The following TECRL variants were observed in gnomAD, a reference collection of about 807,000 sequenced individuals.
TECRL encodes trans-2,3-enoyl-CoA reductase like, also known as trans-2,3-enoyl-CoA reductase-like.
TECRL carries 63 observed loss-of-function variants against 52.8 expected under a neutral mutation model. That is an observed-to-expected ratio of 1.19 (90% CI 0.97 to 1.47). The LOEUF is 1.47. Among genes scored for constraint, TECRL ranks in the 40% most tolerant of loss-of-function variants. The pLI is 0.00. For synonymous variants in TECRL, 164 were observed against 141.9 expected (o/e 1.16, Z -1.10); for missense variants, 482 against 429.6 (o/e 1.12, Z -1.08).
intron 4 of TECRL, among the ~76,000 whole-genome samples, chr4:64,316,505 C>A (rs1403094968): frequency 6.6e-6 from 1 of 151,808 alleles, no homozygotes; most frequent in African/African-American, 2.4e-5. Context: ...GGGGAAAAGA[C>A]GATTTATTAA....
chr4:64,386,521 C>T (rs183840954), intron 1 of TECRL, among the ~76,000 whole-genome samples: 6 of 151,994 alleles, frequency 3.9e-5, no homozygotes, highest in Admixed American at 1.3e-4. Context: ...TATATGTCAG[C>T]GTAGAGGACA....
intron 2 of TECRL, among the ~76,000 whole-genome samples, chr4:64,363,104 C>T (rs943400951): frequency 6.6e-6 from 1 of 151,744 alleles, no homozygotes; most frequent in Non-Finnish European, 1.5e-5. Context: ...GAGGACATTA[C>T]GTAATGATAA....
chr4:64,357,255 A>G (rs568455288), intron 2 of TECRL, among the ~76,000 whole-genome samples: 2 of 152,098 alleles, frequency 1.3e-5, no homozygotes, highest in Non-Finnish European at 2.9e-5. Context: ...TAAGAATTGT[A>G]TACAGCATCA....
At chr4:64,305,315 T>C in intron 6 of TECRL, 77 bp from the exon 7 acceptor site, 1 of 1,281,388 alleles carries the variant, frequency 7.8e-7, no homozygotes, top group Non-Finnish European at 1.1e-6. Context: ...ACATTTATAT[T>C]ACATGCATGT....
chr4:64,355,744 G>C (rs1213659553), intron 2 of TECRL, among the ~76,000 whole-genome samples: 1 of 144,114 alleles, frequency 6.9e-6, no homozygotes, highest in Non-Finnish European at 1.5e-5. Flanking sequence ...GCAGTGAGCC[G>C]AGACTGCACT....
chr4:64,347,784 G>C (rs1414942730), intron 2 of TECRL, among the ~76,000 whole-genome samples: 1 of 152,096 alleles, frequency 6.6e-6, no homozygotes, highest in Non-Finnish European at 1.5e-5. Context: ...GACATGCAGG[G>C]ATTATAATTG....
In TECRL at chr4:64,300,060, T is replaced by A. The variant is rs574890946; in HGVS notation, c.731-43A>T. The stretch of plus-strand genomic sequence containing the variant: ...AATATGTCATGCAGATACTCATAGT[T>A]TGGATTGTCAAATATATAGACATAA... On this transcript the variant is annotated intron_variant, in intron 7 of 11. Transcript: ENST00000381210. 12 of 1,474,156 alleles carry A rather than the reference T, an allele frequency of 8.1e-6. No homozygotes were observed. In the African/African-American group the frequency reaches 1.7e-4, roughly 21 times the overall value. The allele number at this position is 1,474,156 out of a possible 1,614,324, so 91.3% of individuals were successfully genotyped here.
chr4:64,278,799 T>A lies in TECRL; in HGVS notation c.*1273A>T, dbSNP rs1476650604. 5 of 152,178 alleles carry A rather than the reference T, an allele frequency of 3.3e-5. No homozygotes were observed. Among genetic ancestry groups the A allele is most frequent in the African/African-American group, 4.8e-5 (2 of 41,450 alleles). The allele number at this position is 152,178 out of a possible 1,614,324, so 9.4% of individuals were successfully genotyped here. A position where few individuals can be genotyped will look rare whatever the true frequency, so the allele number is the denominator to read the frequency against. ...TTCCCAGCCTGTAGTATCCTCTGTT[T>A]TATTTTTTACTTCTATGATATCAAT... On this transcript the variant is annotated 3_prime_UTR_variant, in exon 12 of 12. Coordinates refer to ENST00000381210, the MANE Select transcript of TECRL (RefSeq NM_001010874.5).
chr4:64,384,088 G>A (rs1723008349), intron 1 of TECRL, among the ~76,000 whole-genome samples: 1 of 152,104 alleles, frequency 6.6e-6, no homozygotes, highest in African/African-American at 2.4e-5. Context: ...AGAACATCAG[G>A]TGGGTAATGC....
At chr4:64,296,299 A>G (rs1010993479) in intron 8 of TECRL, among the ~76,000 whole-genome samples, 4 of 151,834 alleles carry the variant, frequency 2.6e-5, no homozygotes, top group African/African-American at 4.8e-5. Context: ...TCACTAATCA[A>G]TGACCACTTC....
In TECRL at chr4:64,280,161, A is replaced by G. The variant is rs549574336; in HGVS notation, c.1003T>C (p.Leu335=). 22 of 1,601,984 alleles carry G rather than the reference A, an allele frequency of 1.4e-5. No homozygotes were observed. The South Asian group carries it at 2.0e-4, about 15-fold the overall frequency. ...FTLLMSIQMS[L]WAQKKHKIYL... ...ATCTTATGTTTCTTTTGTGCCCACA[A>G]AGACATCTGGATACTCATCAGAAGT... The change falls in exon 12 of 12, where the codon TTG becomes CTG. Residue 335 remains leucine (L), a synonymous_variant. Coordinates refer to ENST00000381210, the MANE Select transcript of TECRL (RefSeq NM_001010874.5).
At chr4:64,338,682 A>G (rs1356578014) in intron 2 of TECRL, among the ~76,000 whole-genome samples, 1 of 152,266 alleles carries the variant, frequency 6.6e-6, no homozygotes, top group Non-Finnish European at 1.5e-5. Flanking sequence ...ACATGATAAA[A>G]TGTTCATCAT....
intron 2 of TECRL, among the ~76,000 whole-genome samples, chr4:64,331,122 C>T (rs540518933): frequency 9.9e-5 from 15 of 152,150 alleles, no homozygotes; most frequent in Admixed American, 5.2e-4. Flanking sequence ...TTCCTATGCA[C>T]AGATACACAT....
At chr4:64,288,765 G>C (rs1209704468) in intron 9 of TECRL, among the ~76,000 whole-genome samples, 1 of 152,110 alleles carries the variant, frequency 6.6e-6, no homozygotes, top group Non-Finnish European at 1.5e-5. Flanking sequence ...GTATATTTGA[G>C]AAATATGTTC....
At chr4:64,332,068 C>A (rs1206370082) in intron 2 of TECRL, among the ~76,000 whole-genome samples, 1 of 152,116 alleles carries the variant, frequency 6.6e-6, no homozygotes, top group Non-Finnish European at 1.5e-5. Flanking sequence ...GAACCAAGAT[C>A]TGGGAGACAG....
At chr4:64,355,961 C>T (rs1720743747) in intron 2 of TECRL, among the ~76,000 whole-genome samples, 1 of 151,942 alleles carries the variant, frequency 6.6e-6, no homozygotes, top group Non-Finnish European at 1.5e-5. Flanking sequence ...TGACCTGTAC[C>T]CTGAACAATT....
chr4:64,296,626 C>G (rs1217956022), intron 8 of TECRL, among the ~76,000 whole-genome samples: 1 of 151,616 alleles, frequency 6.6e-6, no homozygotes, highest in Non-Finnish European at 1.5e-5. Context: ...AATTGGCAAA[C>G]TTTAATTGCT....
At chr4:64,404,236 A>C (rs1304227940) in intron 1 of TECRL, among the ~76,000 whole-genome samples, 2 of 150,386 alleles carry the variant, frequency 1.3e-5, no homozygotes, top group Admixed American at 6.6e-5. Flanking sequence ...AAAAAAAAAA[A>C]CAATAGGAGA....
intron 1 of TECRL, among the ~76,000 whole-genome samples, chr4:64,401,568 C>A (rs1463337334): frequency 6.6e-6 from 1 of 152,060 alleles, no homozygotes; most frequent in East Asian, 1.9e-4. Flanking sequence ...CTTGTGTATG[C>A]TATTTATTAT....
Sources: allele counts gnomAD v4.1 joint callset (sites outside exome capture counted in the v4.1 genomes callset), GRCh38; gene constraint gnomAD v4.1.1; transcripts MANE v1.5; gene names NCBI Gene and HGNC (gene_info 2026-07-23, HGNC 2026-07-21).